CPED1: variants seen among roughly 807,000 people sequenced by gnomAD.
The protein encoded by CPED1 is cadherin-like and PC-esterase domain-containing protein 1.
In CPED1, 114 loss-of-function variants were observed where a neutral mutation model predicts 128.2. The observed-to-expected ratio is 0.89, with a 90% CI of 0.76 to 1.04. CPED1 has a LOEUF of 1.04. Ranked by LOEUF, CPED1 falls within the 50% of genes least tolerant of loss-of-function variation. The pLI is 0.00. For missense variants in CPED1, 1,211 were observed against 1,207.1 expected (o/e 1.00, Z -0.05); for synonymous variants, 462 against 426.7 (o/e 1.08, Z -1.02).
intron 7 of CPED1, among the ~76,000 whole-genome samples, chr7:121,100,702 T>G (rs1794828623): frequency 6.6e-6 from 1 of 152,168 alleles, no homozygotes; most frequent in African/African-American, 2.4e-5. Flanking sequence ...TTTGATAAAT[T>G]TGAAAGAAAT....
At chr7:121,000,250 G>A (rs1333210591) in intron 2 of CPED1, among the ~76,000 whole-genome samples, 1 of 152,136 alleles carries the variant, frequency 6.6e-6, no homozygotes, top group Non-Finnish European at 1.5e-5. Flanking sequence ...ACGTTCTGTG[G>A]CAGAAACTAC....
In CPED1 at chr7:121,083,518, A is replaced by G. The variant is rs542828723; in HGVS notation, c.617-14181A>G. On this transcript the variant is annotated intron_variant, in intron 5 of 22. Coordinates refer to ENST00000310396, the MANE Select transcript of CPED1 (RefSeq NM_024913.5). ...TAATGAATGCAAGTAGAGCCAAATT[A>G]TATTTTATGGGAAATATGTGATTTC... Among the ~76,000 whole-genome samples, 13 of 152,314 alleles carry G rather than the reference A, an allele frequency of 8.5e-5. No homozygotes were observed. The East Asian group carries it at 1.9e-3, about 23-fold the overall frequency.
At chr7:121,203,391 C>T (rs1323090172) in intron 16 of CPED1, among the ~76,000 whole-genome samples, 1 of 152,076 alleles carries the variant, frequency 6.6e-6, no homozygotes, top group Non-Finnish European at 1.5e-5. Flanking sequence ...ATACAAATCA[C>T]CCCCATGTTA....
At chr7:121,015,359 A>T (rs1048421190) in intron 2 of CPED1, among the ~76,000 whole-genome samples, 2 of 152,190 alleles carry the variant, frequency 1.3e-5, no homozygotes, top group African/African-American at 4.8e-5. Context: ...AGGCATTGCT[A>T]TTAATTTGTA....
intron 16 of CPED1, among the ~76,000 whole-genome samples, chr7:121,160,498 T>TC (rs1026730743): frequency 5.9e-5 from 9 of 152,188 alleles, no homozygotes; most frequent in African/African-American, 2.2e-4. Flanking sequence ...TGATTTCTCC[T>TC]CTTAAGGTAA....
At chr7:121,225,788 A>G (rs768974778) in intron 16 of CPED1, among the ~76,000 whole-genome samples, 4 of 152,080 alleles carry the variant, frequency 2.6e-5, no homozygotes, top group Non-Finnish European at 5.9e-5. Context: ...AAGCTTGTGT[A>G]TGCATCACGA....
At chr7:121,125,682 G>T (rs1351148362) in intron 8 of CPED1, 138 bp from the exon 9 acceptor site, 5 of 651,698 alleles carry the variant, frequency 7.7e-6, no homozygotes, top group Non-Finnish European at 1.4e-5. Flanking sequence ...TGGTGTGTAT[G>T]TGCCACATTT....
At chr7:121,245,945 G>A (rs563855601) in intron 18 of CPED1, among the ~76,000 whole-genome samples, 16 of 151,918 alleles carry the variant, frequency 1.1e-4, no homozygotes, top group African/African-American at 2.4e-4. Flanking sequence ...CACCCGCCTC[G>A]GCCTCCCTAA....
intron 5 of CPED1, among the ~76,000 whole-genome samples, chr7:121,088,911 A>G (rs1794512504): frequency 6.6e-6 from 1 of 152,062 alleles, no homozygotes; most frequent in Non-Finnish European, 1.5e-5. Context: ...CTCATATGCA[A>G]GATATAAGAT....
intron 16 of CPED1, among the ~76,000 whole-genome samples, chr7:121,155,473 T>C (rs1404217414): frequency 6.6e-6 from 1 of 152,146 alleles, no homozygotes; most frequent in Non-Finnish European, 1.5e-5. Context: ...TACAAAGCTA[T>C]AGTAACAAGA....
At chr7:121,279,018 G>A (rs553636709) in intron 22 of CPED1, among the ~76,000 whole-genome samples, 1 of 152,106 alleles carries the variant, frequency 6.6e-6, no homozygotes, top group East Asian at 1.9e-4. Flanking sequence ...TAAGAACCAA[G>A]CTAAGCCAGA....
intron 22 of CPED1, among the ~76,000 whole-genome samples, chr7:121,280,204 G>A (rs798902): frequency 0.37 from 56,135 of 152,078 alleles, 11,662 homozygotes; most frequent in African/African-American, 0.56. Flanking sequence ...ATTAGCTTAT[G>A]CTAAGACTAG....
intron 7 of CPED1, among the ~76,000 whole-genome samples, chr7:121,111,825 G>C (rs930836097): frequency 1.3e-5 from 2 of 152,204 alleles, no homozygotes; most frequent in African/African-American, 4.8e-5. Flanking sequence ...TTTAAACAAT[G>C]ATAAAAGGCA....
chr7:120,996,383 C>G (rs1796406084), intron 2 of CPED1, among the ~76,000 whole-genome samples: 1 of 152,178 alleles, frequency 6.6e-6, no homozygotes, highest in South Asian at 2.1e-4. Context: ...TGTGAGTATA[C>G]AGTTAAGTAG....
intron 5 of CPED1, among the ~76,000 whole-genome samples, chr7:121,070,779 C>T (rs1184445361): frequency 2.6e-5 from 4 of 152,132 alleles, no homozygotes; most frequent in Non-Finnish European, 5.9e-5. Context: ...TTCTCACTTC[C>T]TTTCTTGCTC....
At chr7:121,056,954 A>G (rs979271825) in intron 4 of CPED1, among the ~76,000 whole-genome samples, 4 of 150,358 alleles carry the variant, frequency 2.7e-5, no homozygotes, top group African/African-American at 9.8e-5. Flanking sequence ...TATTTGAAAT[A>G]TACAACACAT....
At chr7:121,169,214 A>G (rs1477421857) in intron 16 of CPED1, among the ~76,000 whole-genome samples, 1 of 151,996 alleles carries the variant, frequency 6.6e-6, no homozygotes, top group South Asian at 2.1e-4. Context: ...CAAGCTGCCT[A>G]TAGCTTTTAG....
At chr7:121,241,335 G>A (rs1368730116) in intron 17 of CPED1, among the ~76,000 whole-genome samples, 3 of 20,432 alleles carry the variant, frequency 1.5e-4, no homozygotes, top group East Asian at 1.5e-3. Context: ...GCGACAGAGC[G>A]AGACTCCGTC....
At chr7:121,271,238 C>A in intron 21 of CPED1, 46 bp from the exon 22 acceptor site, 10 of 1,507,824 alleles carry the variant, frequency 6.6e-6, no homozygotes, top group Non-Finnish European at 8.2e-6. Context: ...AATCATAAAA[C>A]AATCCTCTGG....
Sources: allele counts gnomAD v4.1 joint callset (sites outside exome capture counted in the v4.1 genomes callset), GRCh38; gene constraint gnomAD v4.1.1; transcripts MANE v1.5; gene names NCBI Gene and HGNC (gene_info 2026-07-23, HGNC 2026-07-21).